NXN: variants seen among roughly 807,000 people sequenced by gnomAD.
NXN encodes nucleoredoxin.
NXN carries 16 observed loss-of-function variants against 48.6 expected under a neutral mutation model. The observed-to-expected ratio is 0.33, with a 90% confidence interval of 0.22 to 0.50. NXN has a LOEUF of 0.50. Among genes scored for constraint, NXN ranks in the 20% least tolerant of loss-of-function variants. The pLI is 0.98. For missense variants in NXN, 492 were observed against 605.5 expected (o/e 0.81, Z 1.97); for synonymous variants, 281 against 269.6 (o/e 1.04, Z -0.41).
At chr17:952,032 C>T (rs1034426916) in intron 1 of NXN, among the ~76,000 whole-genome samples, 17 of 152,328 alleles carry the variant, frequency 1.1e-4, no homozygotes, top group East Asian at 9.7e-4. Context: ...TCCCTCATGG[C>T]CAGCGCTGAA....
chr17:807,654 C>T (rs967532064), intron 5 of NXN, among the ~76,000 whole-genome samples: 5 of 152,224 alleles, frequency 3.3e-5, no homozygotes, highest in Admixed American at 2.0e-4. Flanking sequence ...TGTGCCGGGA[C>T]GGGCCGTGTT....
intron 1 of NXN, among the ~76,000 whole-genome samples, chr17:923,402 AG>A (rs2144956088): frequency 6.6e-6 from 1 of 152,338 alleles, no homozygotes; most frequent in Non-Finnish European, 1.5e-5. Context: ...ACATACCTGT[AG>A]TCCTAGCTAC....
At chr17:937,379 C>T (rs1349098466) in intron 1 of NXN, among the ~76,000 whole-genome samples, 2 of 152,022 alleles carry the variant, frequency 1.3e-5, no homozygotes, top group East Asian at 3.9e-4. Flanking sequence ...CAACAGGGAC[C>T]CACAAGGCTG....
intron 1 of NXN, among the ~76,000 whole-genome samples, chr17:835,307 CAAAAAAA>C (rs368573865): frequency 1.1e-5 from 1 of 91,286 alleles, no homozygotes; most frequent in Non-Finnish European, 2.3e-5. Flanking sequence ...GACTCTGTTT[CAAAAAAA>C]AAAAAAAAAG....
intron 1 of NXN, among the ~76,000 whole-genome samples, chr17:848,473 T>C (rs1488639935): frequency 6.6e-6 from 1 of 152,212 alleles, no homozygotes; most frequent in African/African-American, 2.4e-5. Flanking sequence ...CTGCTACGGC[T>C]TAACACGAGC....
intron 1 of NXN, among the ~76,000 whole-genome samples, chr17:843,008 GAA>G (rs1446769487): frequency 1.3e-5 from 1 of 79,968 alleles, no homozygotes; most frequent in Non-Finnish European, 2.8e-5. Context: ...GAGAAAGAGA[GAA>G]AGAAAGAAAG....
At chr17:885,202 G>T (rs1273915837) in intron 1 of NXN, among the ~76,000 whole-genome samples, 1 of 152,186 alleles carries the variant, frequency 6.6e-6, no homozygotes, top group African/African-American at 2.4e-5. Flanking sequence ...AGTGGCTCAC[G>T]CCTGTAATCC....
In NXN at chr17:841,507, A is replaced by G. The variant is rs78727466; in HGVS notation, c.361-15429T>C. Among the ~76,000 whole-genome samples the G allele has an allele frequency of 8.7e-3, 690 of 79,212 alleles. 6 individuals carry two copies. The highest frequency in any genetic ancestry group is 0.017 in the South Asian group (34 of 2,050). 52.0% of individuals were successfully genotyped at this position (79,212 alleles called of 152,430 possible). A position where few individuals can be genotyped will look rare whatever the true frequency, so the allele number is the denominator to read the frequency against. On this transcript the variant is annotated intron_variant, in intron 1 of 7. Transcript: ENST00000336868. ...CCCCCCTGACCACGGCGCATCTCACACGGGCGAGCAGGTCCCCCCGACCAT... is the reference window on the plus strand; with the variant it reads ...CCCCCCTGACCACGGCGCATCTCACGCGGGCGAGCAGGTCCCCCCGACCAT...
chr17:846,960 C>T (rs755864627), intron 1 of NXN, among the ~76,000 whole-genome samples: 4 of 152,156 alleles, frequency 2.6e-5, no homozygotes, highest in Non-Finnish European at 4.4e-5. Flanking sequence ...CAAATCATCT[C>T]GAAACTTTCC....
At chr17:823,823 C>G in intron 2 of NXN, 58 bp from the exon 3 acceptor site, 1 of 1,598,792 alleles carries the variant, frequency 6.3e-7, no homozygotes. Context: ...GACCTGGGAC[C>G]CAGGAGACTT....
intron 1 of NXN, among the ~76,000 whole-genome samples, chr17:888,550 G>A (rs1046341198): frequency 1.3e-5 from 2 of 152,136 alleles, no homozygotes; most frequent in Middle Eastern, 3.2e-3. Context: ...TCAAGAAAAC[G>A]AGGGTGCTCT....
rs1011670050 is a variant in NXN at position 958,501 on chromosome 17, A to G, written c.360+20818T>C. Among the ~76,000 whole-genome samples the G allele has an allele frequency of 2.0e-5, 3 of 151,978 alleles. No individual in the cohort carries two copies. The highest frequency in any genetic ancestry group is 4.4e-5 in the Non-Finnish European group (3 of 67,998). On this transcript the variant is annotated intron_variant, in intron 1 of 7. Coordinates refer to ENST00000336868, the MANE Select transcript of NXN (RefSeq NM_022463.5). This position sits in a 1 kb window ranked among gnomAD's most constrained non-coding sequence, Gnocchi z 6.9. ...AACTCTACAAAAATTAATCTTAAAA[A>G]TTAGCTCACTCCTATCATCCCAGCA... is the stretch of plus-strand genomic sequence containing the variant.
chr17:805,481 C>T (rs368327009), intron 5 of NXN, among the ~76,000 whole-genome samples: 2 of 152,188 alleles, frequency 1.3e-5, no homozygotes, highest in Non-Finnish European at 2.9e-5. Flanking sequence ...CTGTCACCTT[C>T]GCCTTTCAGG....
chr17:824,902 G>A (rs1913014716), intron 2 of NXN, among the ~76,000 whole-genome samples: 1 of 152,194 alleles, frequency 6.6e-6, no homozygotes, highest in South Asian at 2.1e-4. Context: ...CCGGAAACAA[G>A]AGGGATCCAC....
intron 1 of NXN, among the ~76,000 whole-genome samples, chr17:977,766 C>A (rs991292818): frequency 6.6e-6 from 1 of 152,194 alleles, no homozygotes; most frequent in African/African-American, 2.4e-5. Context: ...TATTTCTCCA[C>A]GAACGTATCA....
At chr17:937,601 G>T (rs898530984) in intron 1 of NXN, among the ~76,000 whole-genome samples, 2 of 152,132 alleles carry the variant, frequency 1.3e-5, no homozygotes, top group Non-Finnish European at 2.9e-5. Context: ...CACCCCCAAA[G>T]TTCCTGGGGT....
chr17:814,448 G>A (rs376798364), intron 5 of NXN, among the ~76,000 whole-genome samples: 7 of 152,216 alleles, frequency 4.6e-5, no homozygotes, highest in East Asian at 1.9e-4. Flanking sequence ...GAAAGAAAAT[G>A]CCTCTATGTG....
intron 1 of NXN, among the ~76,000 whole-genome samples, chr17:947,923 C>A (rs991532909): frequency 6.8e-6 from 1 of 146,078 alleles, no homozygotes; most frequent in Non-Finnish European, 1.5e-5. Flanking sequence ...TGGCAGCGTG[C>A]GCCTGTACTC....
intron 1 of NXN, among the ~76,000 whole-genome samples, chr17:854,148 C>T (rs2067958907): frequency 6.6e-6 from 1 of 152,122 alleles, no homozygotes; most frequent in African/African-American, 2.4e-5. Flanking sequence ...ACAAAGTAGG[C>T]TTGCAGTAAA....
Sources: gnomAD v4.1 joint callset for allele counts (sites outside exome capture counted in the v4.1 genomes callset) on GRCh38, gnomAD v4.1.1 for gene constraint, Gnocchi (gnomAD v3.1) non-coding constraint, MANE v1.5 for transcripts, NCBI Gene and HGNC (gene_info 2026-07-23, HGNC 2026-07-21) for gene names.